The following ANK2 variants were observed in gnomAD, a reference collection of about 807,000 sequenced individuals.
ANK2 encodes ankyrin-2.
A neutral mutation model predicts 360.5 loss-of-function variants in ANK2; 83 were observed. That is an observed-to-expected ratio of 0.23 (90% CI 0.19 to 0.28). The LOEUF is 0.28. Among genes scored for constraint, ANK2 ranks in the 10% least tolerant of loss-of-function variants. ANK2 has a pLI of 1.00. For missense variants in ANK2, 4,201 were observed against 4,795.7 expected, an observed-to-expected ratio of 0.88 and a Z score of 3.66; for synonymous variants, 1,740 against 1,759.5, an observed-to-expected ratio of 0.99 and a Z score of 0.28.
intron 1 of ANK2, among the ~76,000 whole-genome samples, chr4:113,061,842 AC>A (rs1234345286): frequency 6.6e-6 from 1 of 152,174 alleles, no homozygotes; most frequent in Non-Finnish European, 1.5e-5. Context: ...TTTAAAAATA[AC>A]TGAAAGAGTA....
chr4:112,909,669 G>T (rs527873517), intron 2 of ANK2, among the ~76,000 whole-genome samples: 1 of 152,234 alleles, frequency 6.6e-6, no homozygotes, highest in Non-Finnish European at 1.5e-5. Flanking sequence ...TTTTCTGAAA[G>T]AAAAGAACTG....
the ANK2 span, among the ~76,000 whole-genome samples, chr4:112,795,683 T>C: frequency 2.0e-4 from 30 of 152,086 alleles, no homozygotes; most frequent in Non-Finnish European, 3.8e-4. Flanking sequence ...TTTGTTTTTT[T>C]AGTAGAGATG....
chr4:113,245,731 T>C (rs1242827485), intron 9 of ANK2, among the ~76,000 whole-genome samples: 1 of 152,216 alleles, frequency 6.6e-6, no homozygotes, highest in African/African-American at 2.4e-5. Context: ...AATCAAAACA[T>C]TGATAAACTA....
chr4:112,878,155 C>CTATCTATCTATCT (rs1553962685), intron 1 of ANK2, among the ~76,000 whole-genome samples: 2 of 147,532 alleles, frequency 1.4e-5, no homozygotes, highest in African/African-American at 5.1e-5. Flanking sequence ...ACTTTAGACT[C>CTATCTATCTATCT]ATCTATCTAT....
chr4:113,117,743 AG>A (rs1446599568), intron 1 of ANK2, among the ~76,000 whole-genome samples: 2 of 152,190 alleles, frequency 1.3e-5, no homozygotes, highest in Admixed American at 6.5e-5. Flanking sequence ...AGAAGAAGGA[AG>A]GGGTTGATTT....
the ANK2 span, among the ~76,000 whole-genome samples, chr4:112,753,699 A>C: frequency 3.3e-5 from 5 of 152,284 alleles, no homozygotes; most frequent in Admixed American, 1.3e-4. Context: ...CTACACTCCC[A>C]CCAGGACCAT....
intron 13 of ANK2, 72 bp from the exon 14 acceptor site, chr4:113,264,825 G>A: frequency 6.8e-7 from 1 of 1,466,734 alleles, no homozygotes; most frequent in Non-Finnish European, 9.3e-7. Context: ...TTCACAAAAA[G>A]GGACAACTTT....
chr4:112,869,781 GAA>G (rs2072183622), intron 1 of ANK2, among the ~76,000 whole-genome samples: 1 of 152,030 alleles, frequency 6.6e-6, no homozygotes, highest in Non-Finnish European at 1.5e-5. Flanking sequence ...CGCCTTAGTT[GAA>G]GTGATTCTCA....
At chr4:113,348,424 A>AG in intron 36 of ANK2, 116 bp downstream of exon 36, 3 of 1,094,798 alleles carry the variant, frequency 2.7e-6, no homozygotes, top group Non-Finnish European at 1.4e-6. Context: ...TAGTAATTAA[A>AG]GGGGCACAAT....
the ANK2 span, among the ~76,000 whole-genome samples, chr4:112,805,857 G>A: frequency 6.6e-6 from 1 of 152,168 alleles, no homozygotes; most frequent in Non-Finnish European, 1.5e-5. Context: ...TTACAGGCAT[G>A]AGCCACTGCG....
At chr4:112,980,857 G>A (rs2042928049) in intron 2 of ANK2, among the ~76,000 whole-genome samples, 1 of 152,218 alleles carries the variant, frequency 6.6e-6, no homozygotes, top group African/African-American at 2.4e-5. Context: ...TGTGTCAGAA[G>A]CAAGCGTGTG....
chr4:113,055,915 T>G (rs1307222134), intron 1 of ANK2, among the ~76,000 whole-genome samples: 1 of 152,156 alleles, frequency 6.6e-6, no homozygotes, highest in Non-Finnish European at 1.5e-5. Flanking sequence ...GTTGCTGCCA[T>G]TTTGCGTCAG....
the ANK2 span, among the ~76,000 whole-genome samples, chr4:112,740,915 G>A: frequency 1.3e-5 from 2 of 151,950 alleles, no homozygotes; most frequent in African/African-American, 4.8e-5. Flanking sequence ...ACTTGAACCC[G>A]GGAGGCAGAG....
chr4:112,706,560 C>T, the ANK2 span: 1 of 152,516 alleles, frequency 6.6e-6, no homozygotes. Context: ...TCACATGACC[C>T]ACTGCAGAGC....
rs2093587081 is a variant in ANK2, at chr4:113,336,692, C to G, written c.3707C>G (p.Thr1236Ser). The G allele has an allele frequency of 5.0e-6, 8 of 1,614,150 alleles. No homozygotes were observed. Among genetic ancestry groups the G allele is most frequent in the Non-Finnish European group, 6.8e-6 (8 of 1,180,018 alleles). Reference sequence around the variant, plus strand: ...AAATTCCACAAACCAATTACCATGACCATTCCTGTCCCCAAAGCTTCAAGT... The same window carrying G: ...AAATTCCACAAACCAATTACCATGAGCATTCCTGTCCCCAAAGCTTCAAGT... The part of the protein sequence containing the change: ...RRKFHKPITM[T>S]IPVPKASSDV... The change falls in exon 31 of 46, where the codon ACC becomes AGC. Residue 1236 changes from threonine to serine, a missense_variant. Transcript: ENST00000357077.
chr4:112,995,938 C>A (rs757159642), intron 2 of ANK2, among the ~76,000 whole-genome samples: 2 of 152,122 alleles, frequency 1.3e-5, no homozygotes, highest in African/African-American at 2.4e-5. Context: ...TCAGTGTTTT[C>A]TTAAAAAGTT....
At chr4:112,952,822 C>T (rs140927929) in intron 2 of ANK2, among the ~76,000 whole-genome samples, 1,829 of 152,196 alleles carry the variant, frequency 0.012, 42 homozygotes, top group African/African-American at 0.041. Context: ...TCTCATCTGA[C>T]CCTCCTACAA....
At chr4:113,375,277 G>A (rs2096884424) in intron 45 of ANK2, among the ~76,000 whole-genome samples, 3 of 152,128 alleles carry the variant, frequency 2.0e-5, no homozygotes, top group Non-Finnish European at 2.9e-5. Context: ...ATTAATAAGG[G>A]AAAGAAATAA....
At position 112,840,530 on chromosome 4, in the gene ANK2, C is replaced by A. The variant is rs536157948; in HGVS notation, c.-40+22266C>A. On this transcript the variant is annotated intron_variant, in intron 1 of 30. Coordinates refer to the ANK2 transcript ENST00000503271. ...GGAGTGCTGGATGCGGGGATAAGGG[C>A]CACAGGCTTATATACCCAGAGGGTC... Among the ~76,000 whole-genome samples the A allele has an allele frequency of 1.7e-3, 266 of 152,210 alleles. 2 individuals are homozygous for A. The highest frequency in any genetic ancestry group is 3.1e-3 in the Non-Finnish European group (211 of 68,016).
Sources: allele counts gnomAD v4.1 joint callset (sites outside exome capture counted in the v4.1 genomes callset), GRCh38; gene constraint gnomAD v4.1.1; transcripts MANE v1.5; gene names NCBI Gene and HGNC (gene_info 2026-07-23, HGNC 2026-07-21).